SLC26A8: variants seen among roughly 807,000 people sequenced by gnomAD.
SLC26A8 encodes testis anion transporter 1.
In SLC26A8, 70 loss-of-function variants were observed where a neutral mutation model predicts 105.0. That is an observed-to-expected ratio of 0.67 (90% CI 0.55 to 0.81). SLC26A8 has a LOEUF of 0.81. Ranked by LOEUF, SLC26A8 falls within the 40% of genes least tolerant of loss-of-function variation. The probability of loss-of-function intolerance (pLI) is 0.00; values close to 1 mark genes in which losing one functional copy is unlikely to be tolerated. For missense variants in SLC26A8, 998 were observed against 1,181.8 expected (o/e 0.84, Z 2.28); for synonymous variants, 415 against 438.3 (o/e 0.95, Z 0.66).
At chr6:35,983,412 A>G (rs947014156) in intron 7 of SLC26A8, among the ~76,000 whole-genome samples, 1 of 152,252 alleles carries the variant, frequency 6.6e-6, no homozygotes, top group Non-Finnish European at 1.5e-5. Flanking sequence ...TTTGTTTGCT[A>G]TACAGCTTAA....
At position 35,975,430 on chromosome 6, in the gene SLC26A8, A is replaced by AAC; in HGVS notation, c.1230_1231dup (p.Phe411CysfsTer25). 6.2e-7 allele frequency: 1 copy of AAC among 1,613,838 alleles called. No individual in the cohort carries two copies. The highest frequency in any genetic ancestry group is 1.1e-5 in the South Asian group (1 of 91,060). ...AATAGTCCTAGCAATAGCACCAGTAAACACACAAGATCTGAAAAATGAACT... is the reference window on the plus strand; with the variant it reads ...AATAGTCCTAGCAATAGCACCAGTAAACACACACAAGATCTGAAAAATGAACT... On this transcript the variant is annotated frameshift_variant, in exon 10 of 20. Coordinates refer to ENST00000490799, the MANE Select transcript of SLC26A8 (RefSeq NM_052961.4). LOFTEE classifies it high-confidence loss of function.
In SLC26A8 at chr6:35,951,348, C is replaced by T. The variant is rs1771865436; in HGVS notation, c.2288-1G>A. On this transcript the variant is annotated splice_acceptor_variant, in intron 18 of 19. Transcript: ENST00000490799. LOFTEE classifies it high-confidence loss of function. Reference sequence around the variant, plus strand: ...CTCTCAAATGCCCTGACTATGGAAGCTAAAAACCAAACCCAGAACACACAC... The same window carrying T: ...CTCTCAAATGCCCTGACTATGGAAGTTAAAAACCAAACCCAGAACACACAC... 6.2e-7 allele frequency: 1 copy of T among 1,614,112 alleles called. No individual in the cohort carries two copies. Among genetic ancestry groups the T allele is most frequent in the Non-Finnish European group, 8.5e-7 (1 of 1,180,028 alleles).
chr6:36,005,051 G>A (rs759935848), intron 3 of SLC26A8, among the ~76,000 whole-genome samples: 18 of 152,058 alleles, frequency 1.2e-4, no homozygotes, highest in Non-Finnish European at 2.6e-4. Flanking sequence ...GGGAAGGTAA[G>A]AGAATTACTG....
intron 2 of SLC26A8, among the ~76,000 whole-genome samples, chr6:36,013,106 CTT>C (rs1761906218): frequency 6.6e-6 from 1 of 151,984 alleles, no homozygotes; most frequent in South Asian, 2.1e-4. Flanking sequence ...AAGGAAACAA[CTT>C]TATAAAATAA....
rs746494902 is a variant in SLC26A8 at position 36,019,682 on chromosome 6, A to G, written c.26T>C (p.Ile9Thr). ...CCTGGACTTAGAGCTGAAGCCAGAG[A>G]TGGCGCTCCTCTCTAGTTGTGCCAT... MAQLERSA[I>T]SGFSSKSRRN... Residue 9 changes from isoleucine (I) to threonine (T), a missense_variant, in exon 2 of 20, where the codon ATC becomes ACC. Ile to Thr is a moderately conservative substitution (Grantham distance 89). Transcript: ENST00000490799. The G allele has an allele frequency of 2.5e-6, 4 of 1,613,778 alleles. No individual in the cohort carries two copies. Among genetic ancestry groups the G allele is most frequent in the South Asian group, 1.1e-5 (1 of 91,030 alleles).
chr6:35,982,709 G>A (rs1773324608), intron 7 of SLC26A8, among the ~76,000 whole-genome samples: 1 of 152,132 alleles, frequency 6.6e-6, no homozygotes, highest in Non-Finnish European at 1.5e-5. Flanking sequence ...GCTGTATCAA[G>A]TTTTCAGTTT....
intron 17 of SLC26A8, 101 bp from the exon 18 acceptor site, chr6:35,951,600 GAC>G (rs752247289): frequency 7.8e-6 from 10 of 1,275,106 alleles, no homozygotes; most frequent in Non-Finnish European, 1.1e-5. Context: ...GGTTTTTTGT[GAC>G]AGAGTCTCAC....
At chr6:35,961,361 T>C (rs1171579969) in intron 12 of SLC26A8, among the ~76,000 whole-genome samples, 2 of 152,198 alleles carry the variant, frequency 1.3e-5, no homozygotes, top group Non-Finnish European at 2.9e-5. Context: ...AAAATAGTAA[T>C]AATGTCTACC....
intron 5 of SLC26A8, among the ~76,000 whole-genome samples, chr6:35,993,228 C>G (rs1346129496): frequency 7.0e-6 from 1 of 143,764 alleles, no homozygotes; most frequent in African/African-American, 2.6e-5. Context: ...TGGTCTCGAA[C>G]TCCTGACCTC....
At position 35,944,176 on chromosome 6, in the gene SLC26A8, A is replaced by G; in HGVS notation, c.2637T>C (p.Asp879=). ...GCTCCATTTCAGGCTCCAGCTCCCG[A>G]TCCAGGTCTAGGTCCAGACCCAGCC... ...EAGLGLDLDL[D]RELEPEMEPK... is the part of the protein sequence containing the mutation. Residue 879 remains aspartate, a synonymous_variant, in exon 20 of 20, where the codon GAT becomes GAC. Transcript: ENST00000490799. 6.2e-7 allele frequency: 1 copy of G among 1,613,972 alleles called. No individual in the cohort carries two copies. Among genetic ancestry groups the G allele is most frequent in the Non-Finnish European group, 8.5e-7 (1 of 1,180,002 alleles).
chr6:35,992,431 C>T (rs1409826010), intron 6 of SLC26A8, 79 bp downstream of exon 6: 1 of 1,446,168 alleles, frequency 6.9e-7, no homozygotes, highest in Non-Finnish European at 9.4e-7. Context: ...GGGCGGGAGT[C>T]TCCCTACTGA....
Position 36,003,004 on chromosome 6 carries a change from G to A in SLC26A8, c.329-2896C>T, listed in dbSNP as rs78458457. Among the ~76,000 whole-genome samples the A allele has an allele frequency of 9.5e-3, 1,439 of 152,140 alleles. 17 individuals carry two copies. Among genetic ancestry groups the A allele is most frequent in the African/African-American group, 0.033 (1,361 of 41,506 alleles). The stretch of plus-strand genomic sequence containing the variant: ...CAGGCATAAATCAGTGTGACTGGCC[G>A]CTTTTCAAACTTTATAGCAGCTTTG... On this transcript the variant is annotated intron_variant, in intron 3 of 19. Coordinates refer to ENST00000490799, the MANE Select transcript of SLC26A8 (RefSeq NM_052961.4).
At chr6:36,015,401 G>A (rs947554503) in intron 2 of SLC26A8, among the ~76,000 whole-genome samples, 26 of 152,186 alleles carry the variant, frequency 1.7e-4, no homozygotes, top group African/African-American at 6.3e-4. Context: ...ATGAGCCACT[G>A]TGCCCAGCCA....
In SLC26A8 at chr6:35,955,276, C is replaced by T. The variant is rs955148874; in HGVS notation, c.2108G>A (p.Ser703Asn). 1 of 1,614,210 alleles carries T rather than the reference C, an allele frequency of 6.2e-7. No homozygotes were observed. Among genetic ancestry groups the T allele is most frequent in the Non-Finnish European group, 8.5e-7 (1 of 1,180,044 alleles). Residue 703 changes from serine (S) to asparagine (N), a missense_variant, in exon 17 of 20, where the codon AGC (serine) becomes AAC (asparagine). Ser to Asn is a conservative substitution (Grantham distance 46). Coordinates refer to ENST00000490799, the MANE Select transcript of SLC26A8 (RefSeq NM_052961.4). ...AGGGATGAGTGATCTCCTCCCCTGGCTTTCCGCCACATCAGGCAGTCCTGG... is the reference window on the plus strand; with the variant it reads ...AGGGATGAGTGATCTCCTCCCCTGGTTTTCCGCCACATCAGGCAGTCCTGG... ...SSPGLPDVAE[S>N]QGRRSLIPYS...
intron 10 of SLC26A8, chr6:35,969,966 T>C (rs546791565): frequency 6.6e-6 from 1 of 152,330 alleles, no homozygotes; most frequent in East Asian, 1.9e-4. Flanking sequence ...CTAAGAAGCA[T>C]AGTTTCCTTG....
rs745436037 is a variant in SLC26A8, at chr6:35,959,812, AG to A, written c.1639-7del. On this transcript the variant is annotated splice_region_variant and splice_polypyrimidine_tract_variant and intron_variant, in intron 14 of 19. Coordinates refer to ENST00000490799, the MANE Select transcript of SLC26A8 (RefSeq NM_052961.4). ...ACCCCAGGAATGGTGATGATCTGCAAGACAAAATGTGAAGTTGAGGGAAATT... is the reference window on the plus strand; with the variant it reads ...ACCCCAGGAATGGTGATGATCTGCAAACAAAATGTGAAGTTGAGGGAAATT... The A allele has an allele frequency of 1.9e-6, 3 of 1,600,936 alleles. No homozygotes were observed. The highest frequency in any genetic ancestry group is 2.7e-5 in the African/African-American group (2 of 74,322).
rs144307209 is a variant in SLC26A8 at position 36,000,021 on chromosome 6, A to G, written c.416T>C (p.Ile139Thr). Residue 139 changes from isoleucine (I) to threonine (T), a missense_variant, in exon 4 of 20, where the codon ATT becomes ACT. Coordinates refer to ENST00000490799, the MANE Select transcript of SLC26A8 (RefSeq NM_052961.4). ...AAFCSSVIYV[I>T]FGSCHQMSIG... ...GGACATTTGATGACACGATCCAAAA[A>G]TTACATAGATTACCGAAGAACAGAA... 2 of 1,613,958 alleles carry G rather than the reference A, an allele frequency of 1.2e-6. No individual in the cohort carries two copies. The highest frequency in any genetic ancestry group is 2.7e-5 in the African/African-American group (2 of 74,928).
At position 35,943,855 on chromosome 6, in the gene SLC26A8, G is replaced by A. The variant is rs760928158; in HGVS notation, c.*45C>T. On this transcript the variant is annotated 3_prime_UTR_variant, in exon 20 of 20. Coordinates refer to ENST00000490799, the MANE Select transcript of SLC26A8 (RefSeq NM_052961.4). ...GGACAATTGACCCCTTTTTGGGTAG[G>A]AGGATTTGCCAGCATTATCTGACCC... 1.9e-6 allele frequency: 3 copies of A among 1,582,994 alleles called. No homozygotes were observed. Among genetic ancestry groups the A allele is most frequent in the East Asian group, 2.2e-5 (1 of 44,574 alleles).
At chr6:35,956,391 A>G (rs1772061045) in intron 16 of SLC26A8, among the ~76,000 whole-genome samples, 1 of 146,666 alleles carries the variant, frequency 6.8e-6, no homozygotes, top group South Asian at 2.2e-4. Context: ...CCACACCACC[A>G]CACTCCAGAT....
Sources: allele counts gnomAD v4.1 joint callset (sites outside exome capture counted in the v4.1 genomes callset), GRCh38; gene constraint gnomAD v4.1.1; transcripts MANE v1.5; gene names NCBI Gene and HGNC (gene_info 2026-07-23, HGNC 2026-07-21).